CDKL4: variants seen among roughly 807,000 people sequenced by gnomAD.
The protein encoded by CDKL4 is cyclin dependent kinase like 4, also known as cyclin-dependent kinase-like 4.
A neutral mutation model predicts 42.0 loss-of-function variants in CDKL4; 44 were observed. That is an observed-to-expected ratio of 1.05 (90% CI 0.82 to 1.35). CDKL4 has a LOEUF of 1.35. Ranked by LOEUF, CDKL4 falls within the 40% of genes most tolerant of loss-of-function variation. CDKL4 has a pLI of 0.00. For missense variants in CDKL4, 393 were observed against 369.9 expected (o/e 1.06, Z -0.51); for synonymous variants, 120 against 121.6 (o/e 0.99, Z 0.09).
At chr2:39,213,448 G>A (rs140286102) in exon 4 of CDKL4, 3 of 1,610,696 alleles carry the variant, frequency 1.9e-6, no homozygotes, top group South Asian at 1.1e-5. Context: ...GCCATAATAC[G>A]CTTTTGATCA....
chr2:39,226,487 A>G (rs1678753347), intron 2 of CDKL4, among the ~76,000 whole-genome samples: 1 of 143,842 alleles, frequency 7.0e-6, no homozygotes, highest in Non-Finnish European at 1.5e-5. Context: ...AATATATATT[A>G]TATATTTTCA....
At chr2:39,193,236 C>T (rs1000698675) in intron 5 of CDKL4, among the ~76,000 whole-genome samples, 1 of 147,538 alleles carries the variant, frequency 6.8e-6, no homozygotes, top group Non-Finnish European at 1.5e-5. Flanking sequence ...ATATTCGAGA[C>T]CAGCCTGGGC....
chr2:39,226,358 A>C (rs999117686), intron 2 of CDKL4, among the ~76,000 whole-genome samples: 59 of 148,940 alleles, frequency 4.0e-4, no homozygotes, highest in African/African-American at 1.4e-3. Context: ...CTAACCATCA[A>C]ATCGGAATAA....
intron 1 of CDKL4, among the ~76,000 whole-genome samples, chr2:39,231,682 G>C (rs935924366): frequency 6.6e-6 from 1 of 152,214 alleles, no homozygotes; most frequent in Non-Finnish European, 1.5e-5. Context: ...ATATTTAGAT[G>C]TGAGCATGCA....
chr2:39,194,464 A>T (rs993571450), intron 5 of CDKL4, among the ~76,000 whole-genome samples: 4 of 152,120 alleles, frequency 2.6e-5, no homozygotes, highest in African/African-American at 9.7e-5. Flanking sequence ...ACAGAGTGAG[A>T]CTCTGTCTCA....
intron 9 of CDKL4, among the ~76,000 whole-genome samples, chr2:39,178,185 G>C (rs1003317246): frequency 1.3e-5 from 2 of 152,116 alleles, no homozygotes; most frequent in African/African-American, 2.4e-5. Flanking sequence ...TGGATACACA[G>C]AAATGATTTA....
intron 2 of CDKL4, among the ~76,000 whole-genome samples, chr2:39,229,133 T>G (rs150478643): frequency 1.3e-3 from 194 of 152,318 alleles, no homozygotes; most frequent in Admixed American, 3.7e-3. Context: ...TTAGGATATT[T>G]ACTAACAAGA....
At chr2:39,188,684 C>T (rs10195422) in intron 6 of CDKL4, among the ~76,000 whole-genome samples, 113,959 of 150,810 alleles carry the variant, frequency 0.76, 46,338 homozygotes, top group Non-Finnish European at 0.91. Flanking sequence ...CATAATCTCA[C>T]AACAATAGTT....
At chr2:39,181,646 G>A (rs780276074) in intron 8 of CDKL4, among the ~76,000 whole-genome samples, 53 of 152,196 alleles carry the variant, frequency 3.5e-4, no homozygotes, top group African/African-American at 1.2e-3. Context: ...ATAATGGCAT[G>A]GAGTACACCC....
At chr2:39,244,489 A>G (rs1294270621), upstream of CDKL4, among the ~76,000 whole-genome samples, 1 of 152,172 alleles carries the variant, frequency 6.6e-6, no homozygotes, top group Non-Finnish European at 1.5e-5. Flanking sequence ...TCGATTTCTC[A>G]CTGGGCCTTA....
At chr2:39,202,908 G>A (rs1363427562) in intron 5 of CDKL4, among the ~76,000 whole-genome samples, 1 of 152,182 alleles carries the variant, frequency 6.6e-6, no homozygotes, top group South Asian at 2.1e-4. Flanking sequence ...TGTAACCAGT[G>A]CCTGAGCTCA....
At chr2:39,187,497 A>C in intron 7 of CDKL4, 130 bp downstream of exon 7, 1 of 623,448 alleles carries the variant, frequency 1.6e-6, no homozygotes, top group Non-Finnish European at 2.7e-6. Flanking sequence ...GTGAGCCATG[A>C]CCTTGCCACT....
At chr2:39,171,556 T>C (rs541520822), downstream of CDKL4, among the ~76,000 whole-genome samples, 2 of 152,170 alleles carry the variant, frequency 1.3e-5, no homozygotes, top group South Asian at 2.1e-4. Context: ...AGGACTGAAA[T>C]AGAGATTAAA....
At chr2:39,178,920 G>A in intron 9 of CDKL4, 1 of 1,448,246 alleles carries the variant, frequency 6.9e-7, no homozygotes, top group Non-Finnish European at 9.1e-7. Flanking sequence ...GATCTTGTGG[G>A]TGGGATATCC....
chr2:39,225,945 T>A, exon 3 of CDKL4: 1 of 1,609,916 alleles, frequency 6.2e-7, no homozygotes, highest in African/African-American at 1.3e-5. Context: ...TTCACAAGAT[T>A]TGGATGTTTT....
chr2:39,214,429 G>A (rs191554432), intron 3 of CDKL4, among the ~76,000 whole-genome samples: 322 of 152,260 alleles, frequency 2.1e-3, no homozygotes, highest in African/African-American at 7.4e-3. Context: ...GGCTCCAGAG[G>A]AGATCATTAT....
chr2:39,194,904 T>C (rs1242789952), intron 5 of CDKL4, among the ~76,000 whole-genome samples: 2 of 152,222 alleles, frequency 1.3e-5, no homozygotes, highest in Non-Finnish European at 2.9e-5. Flanking sequence ...ATCACCACTA[T>C]GCACCTCCAA....
rs117206166 is a variant in CDKL4, at chr2:39,218,165, G to A, written c.291-4693C>T. Reference sequence around the variant, plus strand: ...TCCTTTTAGTTATGAGTAATTTTCTGTGTTAACTTGACTAGGTTAAGGGAT... The same window carrying A: ...TCCTTTTAGTTATGAGTAATTTTCTATGTTAACTTGACTAGGTTAAGGGAT... On this transcript the variant is annotated intron_variant, in intron 3 of 9. Transcript: ENST00000451199. Among the ~76,000 whole-genome samples, 305 of 152,104 alleles carry A rather than the reference G, an allele frequency of 2.0e-3. 8 individuals are homozygous for A. The East Asian group carries it at 0.047, about 23-fold the overall frequency.
intron 5 of CDKL4, among the ~76,000 whole-genome samples, chr2:39,203,768 C>G: frequency 6.6e-6 from 1 of 152,208 alleles, no homozygotes; most frequent in Non-Finnish European, 1.5e-5. Flanking sequence ...GTCTATTTCT[C>G]TTTTCAGCCG....
Sources: allele counts gnomAD v4.1 joint callset (sites outside exome capture counted in the v4.1 genomes callset), GRCh38; gene constraint gnomAD v4.1.1; transcripts MANE v1.5; gene names NCBI Gene and HGNC (gene_info 2026-07-23, HGNC 2026-07-21).